Variants in STYXL2 observed in about 807,000 individuals in gnomAD.
STYXL2 encodes the protein serine/threonine/tyrosine-interacting-like protein 2.
In STYXL2, 44 loss-of-function variants were observed where a neutral mutation model predicts 52.4. The ratio of observed to expected loss-of-function variants is 0.84; its 90% CI spans 0.66 to 1.08. The LOEUF (loss-of-function observed/expected upper bound fraction) is 1.08, where lower values mean the gene tolerates loss of function less well. Among genes scored for constraint, STYXL2 ranks in the 50% least tolerant of loss-of-function variants. STYXL2 has a pLI of 0.00. For missense variants in STYXL2, 1,604 were observed against 1,471.7 expected (o/e 1.09, Z -1.47); for synonymous variants, 604 against 586.9 (o/e 1.03, Z -0.42).
chr1:167,127,317 A>G lies in STYXL2; in HGVS notation c.2186A>G (p.Asn729Ser), dbSNP rs139295413. The stretch of plus-strand genomic sequence containing the variant: ...GCCAGTATCCAGAACTGGATTGCCA[A>G]TGTAGTCAGTGAGACCCTTGCTCAG... Reference protein sequence around the residue: ...SIASIQNWIANVVSETLAQKQ... With the variant: ...SIASIQNWIASVVSETLAQKQ... The change falls in exon 6 of 6, where the codon AAT (asparagine) becomes AGT (serine). Residue 729 changes from asparagine to serine, a missense_variant. Transcript: ENST00000361200. The G allele has an allele frequency of 5.1e-5, 82 of 1,614,092 alleles. 1 individual carries two copies. The highest frequency in any genetic ancestry group is 6.7e-5 in the Admixed American group (4 of 60,010).
intron 2 of STYXL2, among the ~76,000 whole-genome samples, chr1:167,102,055 A>G (rs182940463): frequency 3.3e-4 from 50 of 152,230 alleles, no homozygotes; most frequent in African/African-American, 1.1e-3. Context: ...AAAAGGGTAC[A>G]TACTATATTA....
At chr1:167,120,064 G>T (rs1054206262) in intron 5 of STYXL2, among the ~76,000 whole-genome samples, 2 of 152,188 alleles carry the variant, frequency 1.3e-5, no homozygotes, top group Admixed American at 1.3e-4. Context: ...TAAAAGCCAG[G>T]GTAAGAAGTT....
At chr1:167,095,821 C>G (rs1667275022) in intron 2 of STYXL2, among the ~76,000 whole-genome samples, 1 of 152,132 alleles carries the variant, frequency 6.6e-6, no homozygotes, top group East Asian at 1.9e-4. Context: ...TTAACTTCCC[C>G]TCTAAGAATT....
intron 2 of STYXL2, among the ~76,000 whole-genome samples, chr1:167,095,631 A>C (rs1466103781): frequency 1.3e-5 from 2 of 152,214 alleles, no homozygotes; most frequent in South Asian, 2.1e-4. Context: ...CGAGACGTTA[A>C]AGAAATGTCG....
chr1:167,095,322 G>T (rs1667261279), intron 2 of STYXL2, among the ~76,000 whole-genome samples: 1 of 151,392 alleles, frequency 6.6e-6, no homozygotes, highest in Non-Finnish European at 1.5e-5. Flanking sequence ...AGTAGGACTG[G>T]GGCTGGATAT....
chr1:167,103,950 T>C (rs1667454631), intron 2 of STYXL2, among the ~76,000 whole-genome samples: 1 of 151,988 alleles, frequency 6.6e-6, no homozygotes, highest in African/African-American at 2.4e-5. Context: ...TGAAACCCCG[T>C]CTCTACTAAA....
intron 2 of STYXL2, among the ~76,000 whole-genome samples, chr1:167,107,959 T>C (rs958982660): frequency 2.0e-5 from 3 of 152,110 alleles, no homozygotes; most frequent in African/African-American, 7.2e-5. Flanking sequence ...GAAATGGACT[T>C]CTACAAAGTC....
At chr1:167,099,692 C>G (rs977631552) in intron 2 of STYXL2, among the ~76,000 whole-genome samples, 14 of 152,188 alleles carry the variant, frequency 9.2e-5, no homozygotes, top group Non-Finnish European at 8.8e-5. Context: ...TAAATTAGTA[C>G]AACCATTTGG....
In STYXL2 at chr1:167,125,934, T is replaced by G; in HGVS notation, c.803T>G (p.Leu268Arg). Residue 268 changes from leucine (L) to arginine (R), a missense_variant, in exon 6 of 6, where the codon CTG (leucine) becomes CGG (arginine). Transcript: ENST00000361200. ...KRAIYPNEGF[L>R]KQLRELNEKL... Reference sequence around the variant, plus strand: ...GCCATCTACCCCAATGAGGGCTTCCTGAAGCAGCTGCGGGAGCTCAATGAG... The same window carrying G: ...GCCATCTACCCCAATGAGGGCTTCCGGAAGCAGCTGCGGGAGCTCAATGAG... 1.9e-6 allele frequency: 3 copies of G among 1,614,014 alleles called. No individual in the cohort carries two copies. Among genetic ancestry groups the G allele is most frequent in the South Asian group, 2.2e-5 (2 of 91,078 alleles).
rs190195533 is a variant in STYXL2, at chr1:167,111,659, A to G, written c.111-2051A>G. 4.3e-3 allele frequency among the ~76,000 whole-genome samples: 659 copies of G among 151,864 alleles called. 4 individuals carry two copies. Among genetic ancestry groups the G allele is most frequent in the Non-Finnish European group, 7.6e-3 (519 of 67,940 alleles). Reference sequence around the variant, plus strand: ...GTAACTCAGGAATGGAAAACCAAACATTGTATGTTTTCACTTATAAGTAGG... The same window carrying G: ...GTAACTCAGGAATGGAAAACCAAACGTTGTATGTTTTCACTTATAAGTAGG... On this transcript the variant is annotated intron_variant, in intron 2 of 5. Transcript: ENST00000361200.
intron 2 of STYXL2, among the ~76,000 whole-genome samples, chr1:167,102,093 G>C (rs1243783048): frequency 6.6e-6 from 1 of 151,512 alleles, no homozygotes; most frequent in Non-Finnish European, 1.5e-5. Flanking sequence ...TCTAGAAAAT[G>C]CAAACCCATC....
In STYXL2 at chr1:167,126,566, G is replaced by T. The variant is rs1288955227; in HGVS notation, c.1435G>T (p.Ala479Ser). The change falls in exon 6 of 6, where the codon GCA becomes TCA. Residue 479 changes from alanine to serine, a missense_variant. By Grantham distance (99) the Ala-to-Ser change is moderately conservative. Coordinates refer to ENST00000361200, the MANE Select transcript of STYXL2 (RefSeq NM_001080426.3). ...DSMSSESTWD[A>S]WNERLLEIEK... ...GATGTCCTCGGAGAGCACCTGGGAC[G>T]CATGGAACGAGAGGCTGCTGGAGAT... 1.9e-6 allele frequency: 3 copies of T among 1,613,880 alleles called. No homozygotes were observed. The highest frequency in any genetic ancestry group is 1.7e-5 in the Admixed American group (1 of 59,998).
chr1:167,096,378 G>A (rs1312524613), intron 2 of STYXL2, among the ~76,000 whole-genome samples: 2 of 152,192 alleles, frequency 1.3e-5, no homozygotes, highest in Admixed American at 6.5e-5. Flanking sequence ...GTCGCTTCGT[G>A]TGTGGTTGGG....
intron 2 of STYXL2, among the ~76,000 whole-genome samples, chr1:167,112,004 A>C (rs981996872): frequency 3.3e-5 from 5 of 152,152 alleles, no homozygotes; most frequent in Non-Finnish European, 7.3e-5. Flanking sequence ...TGGAGAAGGA[A>C]ATAACCTTGC....
chr1:167,104,215 T>C (rs1226417682), intron 2 of STYXL2, among the ~76,000 whole-genome samples: 5 of 151,432 alleles, frequency 3.3e-5, no homozygotes, highest in Non-Finnish European at 5.9e-5. Context: ...ATCAGTTTTC[T>C]CTTCTTTCCA....
At chr1:167,094,641 G>A (rs1049849531) in intron 1 of STYXL2, among the ~76,000 whole-genome samples, 193 bp from the exon 2 acceptor site, 1 of 152,084 alleles carries the variant, frequency 6.6e-6, no homozygotes, top group African/African-American at 2.4e-5. Context: ...TCCTAATATG[G>A]CGGGGTGCAC....
In STYXL2 at chr1:167,099,268, TA is replaced by T. The variant is rs199529574; in HGVS notation, c.110+4317del. On this transcript the variant is annotated intron_variant, in intron 2 of 5. Coordinates refer to ENST00000361200, the MANE Select transcript of STYXL2 (RefSeq NM_001080426.3). ...AAAACTATCTCAGCAACTGATAAAA[TA>T]AAAAAAATCAAAAGAATCATTTTTA... is the stretch of plus-strand genomic sequence containing the variant. 3.2e-3 allele frequency among the ~76,000 whole-genome samples: 480 copies of T among 151,876 alleles called. 2 individuals are homozygous for T. Among genetic ancestry groups the T allele is most frequent in the African/African-American group, 0.011 (455 of 41,414 alleles).
intron 2 of STYXL2, among the ~76,000 whole-genome samples, chr1:167,112,459 G>A (rs1667639887): frequency 1.3e-5 from 2 of 152,124 alleles, no homozygotes; most frequent in South Asian, 2.1e-4. Flanking sequence ...TCAGCTCATC[G>A]GGATTCTGCT....
Position 167,117,406 on chromosome 1 carries a change from A to T in STYXL2, c.284A>T (p.Asp95Val). ...LESAEQLLVE[D>V]LYNRVREKMD... ...TCTGCTGAACAGCTGCTGGTGGAGG[A>T]CCTGTACAACCGCGTCAGGGAGAAG... is the stretch of plus-strand genomic sequence containing the variant. The change falls in exon 4 of 6, where the codon GAC (aspartate) becomes GTC (valine). Residue 95 changes from aspartate (D) to valine (V), a missense_variant. Coordinates refer to ENST00000361200, the MANE Select transcript of STYXL2 (RefSeq NM_001080426.3). 2 of 1,612,640 alleles carry T rather than the reference A, an allele frequency of 1.2e-6. No individual in the cohort carries two copies. Among genetic ancestry groups the T allele is most frequent in the East Asian group, 4.5e-5 (2 of 44,822 alleles).
Sources: allele counts gnomAD v4.1 joint callset (sites outside exome capture counted in the v4.1 genomes callset), GRCh38; gene constraint gnomAD v4.1.1; transcripts MANE v1.5; gene names NCBI Gene and HGNC (gene_info 2026-07-23, HGNC 2026-07-21).